CD3E: variants seen among roughly 807,000 people sequenced by gnomAD.
CD3E encodes the protein CD3 epsilon subunit of T-cell receptor complex.
CD3E carries 16 observed loss-of-function variants against 34.7 expected under a neutral mutation model. That is an observed-to-expected ratio of 0.46 (90% CI 0.31 to 0.70). CD3E has a LOEUF of 0.70. Among genes scored for constraint, CD3E ranks in the 30% least tolerant of loss-of-function variants. CD3E has a pLI of 0.05. For synonymous variants in CD3E, 70 were observed against 90.8 expected (o/e 0.77, Z 1.30); for missense variants, 223 against 253.9 (o/e 0.88, Z 0.83).
rs1182775206 is a variant in CD3E at position 118,315,843 on chromosome 11, G to T, written c.*301G>T. 6 of 533,572 alleles carry T rather than the reference G, an allele frequency of 1.1e-5. No individual in the cohort carries two copies. The highest frequency in any genetic ancestry group is 2.0e-5 in the Non-Finnish European group (6 of 296,982). 33.1% of individuals were successfully genotyped at this position (533,572 alleles called of 1,614,324 possible). Reference sequence around the variant, plus strand: ...GCTATTCACTCCCTTCCCTTTGGATGTAACTTCTCCGTTCAGTTCCCTCCT... The same window carrying T: ...GCTATTCACTCCCTTCCCTTTGGATTTAACTTCTCCGTTCAGTTCCCTCCT... On this transcript the variant is annotated 3_prime_UTR_variant, in exon 9 of 9. Transcript: ENST00000361763.
chr11:118,311,995 G>C (rs1191434715), intron 4 of CD3E, 158 bp from the exon 5 acceptor site: 12 of 712,980 alleles, frequency 1.7e-5, no homozygotes, highest in South Asian at 4.6e-5. Context: ...CATAGGCTAA[G>C]CATGAACCTC....
chr11:118,315,374 T>C (rs965994447), intron 8 of CD3E, 112 bp from the exon 9 acceptor site: 1 of 883,172 alleles, frequency 1.1e-6, no homozygotes, highest in Non-Finnish European at 1.8e-6. Flanking sequence ...GCCTGCCTCC[T>C]GACTTCAAGT....
intron 3 of CD3E, among the ~76,000 whole-genome samples, chr11:118,307,818 T>C (rs996535422): frequency 6.6e-6 from 1 of 152,198 alleles, no homozygotes; most frequent in East Asian, 1.9e-4. Context: ...TGTTCCAACA[T>C]TGGAAGCCCC....
intron 4 of CD3E, among the ~76,000 whole-genome samples, chr11:118,309,181 C>T (rs553464940): frequency 5.3e-5 from 8 of 152,194 alleles, no homozygotes; most frequent in Non-Finnish European, 1.2e-4. Context: ...ACAGCATCAT[C>T]ATGGTACAAT....
At position 118,304,783 on chromosome 11, in the gene CD3E, C is replaced by A. The variant is rs909213803; in HGVS notation, c.-60+7C>A. The A allele has an allele frequency of 4.1e-6, 3 of 734,274 alleles. No homozygotes were observed. The highest frequency in any genetic ancestry group is 5.1e-5 in the East Asian group (2 of 38,942). 45.5% of individuals were successfully genotyped at this position (734,274 alleles called of 1,614,324 possible). A position where few individuals can be genotyped will look rare whatever the true frequency, so the allele number is the denominator to read the frequency against. On this transcript the variant is annotated splice_region_variant and intron_variant, in intron 1 of 8. Coordinates refer to ENST00000361763, the MANE Select transcript of CD3E (RefSeq NM_000733.4). Reference sequence around the variant, plus strand: ...GTGCCTGCTTCAGAAAATGGTGAGTCTCTCTCTTATAAAGCCCTCCTTTTT... The same window carrying A: ...GTGCCTGCTTCAGAAAATGGTGAGTATCTCTCTTATAAAGCCCTCCTTTTT...
chr11:118,306,196 A>G (rs572507002), intron 2 of CD3E, among the ~76,000 whole-genome samples: 45 of 151,906 alleles, frequency 3.0e-4, no homozygotes, highest in Non-Finnish European at 5.7e-4. Flanking sequence ...AAAAAAGAAG[A>G]AGGAGGAGGA....
intron 4 of CD3E, among the ~76,000 whole-genome samples, chr11:118,309,500 T>A (rs1490294577): frequency 2.6e-5 from 4 of 152,126 alleles, no homozygotes; most frequent in Non-Finnish European, 5.9e-5. Flanking sequence ...TGCTTGAACC[T>A]GGGAGGCGGA....
intron 4 of CD3E, among the ~76,000 whole-genome samples, chr11:118,311,342 G>A (rs1565510958): frequency 6.6e-6 from 1 of 152,162 alleles, no homozygotes; most frequent in East Asian, 1.9e-4. Context: ...ACCTCCCAGG[G>A]CAAAAATGGC....
Position 118,313,756 on chromosome 11 carries a change from C to A in CD3E, c.402C>A (p.Val134=). The change falls in exon 7 of 9, where the codon GTC becomes GTA. Residue 134 remains valine, a synonymous_variant. Coordinates refer to ENST00000361763, the MANE Select transcript of CD3E (RefSeq NM_000733.4). ...ATGTGATGTCGGTGGCCACAATTGT[C>A]ATAGTGGACATCTGCATCACTGGGG... The part of the protein sequence containing the change: ...EMDVMSVATI[V]IVDICITGGL... The A allele has an allele frequency of 6.2e-7, 1 of 1,614,064 alleles. No individual in the cohort carries two copies. The highest frequency in any genetic ancestry group is 1.1e-5 in the South Asian group (1 of 91,072).
At position 118,315,613 on chromosome 11, in the gene CD3E, G is replaced by A; in HGVS notation, c.*71G>A. ...GTCCCCCTGCGACTCCCTGTTTCCT[G>A]GGCTAGTCTTGGACCCCACGAGAGA... On this transcript the variant is annotated 3_prime_UTR_variant, in exon 9 of 9. Coordinates refer to ENST00000361763, the MANE Select transcript of CD3E (RefSeq NM_000733.4). 2 of 1,323,456 alleles carry A rather than the reference G, an allele frequency of 1.5e-6. No homozygotes were observed. The highest frequency in any genetic ancestry group is 2.1e-6 in the Non-Finnish European group (2 of 937,554). The allele number at this position is 1,323,456 out of a possible 1,614,324, so 82.0% of individuals were successfully genotyped here.
At position 118,312,730 on chromosome 11, in the gene CD3E, T is replaced by C. The variant is rs2231444; in HGVS notation, c.216T>C (p.Asp72=). 8.8e-4 allele frequency: 1,427 copies of C among 1,614,064 alleles called. 26 individuals are homozygous for C. In the East Asian group the frequency reaches 0.026, roughly 29 times the overall value. The part of the protein sequence containing the change: ...NDKNIGGDED[D]KNIGSDEDHL... ...AAAACATAGGCGGTGATGAGGATGA[T>C]AAAAACATAGGCAGTGATGAGGATC... Residue 72 remains aspartate (D), a synonymous_variant, in exon 6 of 9, where the codon GAT becomes GAC. Transcript: ENST00000361763.
chr11:118,314,396 G>A, intron 7 of CD3E, 52 bp from the exon 8 acceptor site: 1 of 1,518,434 alleles, frequency 6.6e-7, no homozygotes, highest in African/African-American at 1.4e-5. Context: ...AGACAGTGCT[G>A]CAAGATTGGT....
intron 2 of CD3E, among the ~76,000 whole-genome samples, chr11:118,306,527 A>AT (rs1254088851): frequency 5.5e-4 from 79 of 144,174 alleles, no homozygotes; most frequent in African/African-American, 1.9e-3. Context: ...AAATAAATAA[A>AT]AGAGACAGTA....
chr11:118,312,651 T>C lies in CD3E; in HGVS notation c.137T>C (p.Ile46Thr), dbSNP rs200184895. 4.3e-6 allele frequency: 7 copies of C among 1,614,188 alleles called. No homozygotes were observed. Among genetic ancestry groups the C allele is most frequent in the Non-Finnish European group, 8.5e-7 (1 of 1,179,998 alleles). Residue 46 changes from isoleucine to threonine, a missense_variant, in exon 6 of 9, where the codon ATA (isoleucine) becomes ACA (threonine). Physicochemically the swap from Ile to Thr is moderately conservative, Grantham distance 89 (BLOSUM62 -1). Coordinates refer to ENST00000361763, the MANE Select transcript of CD3E (RefSeq NM_000733.4). ...YKVSISGTTV[I>T]LTCPQYPGSE... is the part of the protein sequence containing the mutation. ...GTCTCCATCTCTGGAACCACAGTAA[T>C]ATTGACATGCCCTCAGTATCCTGGA... is the stretch of plus-strand genomic sequence containing the variant.
chr11:118,306,739 T>G (rs1367682268), intron 2 of CD3E, among the ~76,000 whole-genome samples: 2 of 152,096 alleles, frequency 1.3e-5, no homozygotes, highest in African/African-American at 4.8e-5. Context: ...GAGGGCATCC[T>G]GGAGGGCCCG....
chr11:118,306,228 G>A (rs900543495), intron 2 of CD3E, among the ~76,000 whole-genome samples: 4 of 152,238 alleles, frequency 2.6e-5, no homozygotes, highest in South Asian at 2.1e-4. Flanking sequence ...AGGTGCAGTG[G>A]CTTACGCCTG....
At chr11:118,305,282 AACTT>A (rs1948099638) in intron 2 of CD3E, among the ~76,000 whole-genome samples, 1 of 152,232 alleles carries the variant, frequency 6.6e-6, no homozygotes. Flanking sequence ...AGCTCATTCC[AACTT>A]ACCCAGCCCT....
At chr11:118,307,050 A>G (rs1948111116) in intron 2 of CD3E, among the ~76,000 whole-genome samples, 1 of 152,132 alleles carries the variant, frequency 6.6e-6, no homozygotes, top group African/African-American at 2.4e-5. Context: ...TTGTGGGCTC[A>G]TAGTTAATGC....
Position 118,315,866 on chromosome 11 carries a change from C to T in CD3E, c.*324C>T. ...ATGTAACTTCTCCGTTCAGTTCCCT[C>T]CTTTTCTTGCATGTAAGTTGTCCCC... On this transcript the variant is annotated 3_prime_UTR_variant, in exon 9 of 9. Coordinates refer to ENST00000361763, the MANE Select transcript of CD3E (RefSeq NM_000733.4). 1 of 474,462 alleles carries T rather than the reference C, an allele frequency of 2.1e-6. No individual in the cohort carries two copies. Among genetic ancestry groups the T allele is most frequent in the Admixed American group, 3.6e-5 (1 of 27,710 alleles). 29.4% of individuals were successfully genotyped at this position (474,462 alleles called of 1,614,324 possible).
Sources: gnomAD v4.1 joint callset for allele counts (sites outside exome capture counted in the v4.1 genomes callset) on GRCh38, gnomAD v4.1.1 for gene constraint, MANE v1.5 for transcripts, NCBI Gene and HGNC (gene_info 2026-07-23, HGNC 2026-07-21) for gene names.